The following CFAP54 variants were observed in gnomAD, a reference collection of about 807,000 sequenced individuals.
The protein encoded by CFAP54 is cilia and flagella associated protein 54, also known as cilia- and flagella-associated protein 54.
In CFAP54, 290 loss-of-function variants were observed where a neutral mutation model predicts 370.4. That is an observed-to-expected ratio of 0.78 (90% CI 0.71 to 0.86). CFAP54 has a LOEUF of 0.86. Among genes scored for constraint, CFAP54 ranks in the 40% least tolerant of loss-of-function variants. The probability of loss-of-function intolerance (pLI) is 0.00; values close to 1 mark genes in which losing one functional copy is unlikely to be tolerated. For synonymous variants in CFAP54, 1,206 were observed against 1,236.5 expected, an observed-to-expected ratio of 0.98 and a Z score of 0.52; for missense variants, 3,399 against 3,528.7, an observed-to-expected ratio of 0.96 and a Z score of 0.93.
At chr12:96,702,363 C>T (rs1957501590) in intron 46 of CFAP54, among the ~76,000 whole-genome samples, 1 of 151,996 alleles carries the variant, frequency 6.6e-6, no homozygotes, top group South Asian at 2.1e-4. Context: ...TTTGGGAATG[C>T]TGGAAGAGAG....
At chr12:96,768,496 T>A (rs1466404012) in intron 60 of CFAP54, among the ~76,000 whole-genome samples, 2 of 151,466 alleles carry the variant, frequency 1.3e-5, no homozygotes, top group Non-Finnish European at 2.9e-5. Context: ...CTACTAAAAA[T>A]ACAAAAATTA....
intron 63 of CFAP54, among the ~76,000 whole-genome samples, chr12:96,806,133 A>G (rs1183178573): frequency 7.9e-6 from 1 of 126,616 alleles, no homozygotes; most frequent in African/African-American, 2.9e-5. Flanking sequence ...TGAGTACTCT[A>G]AAAGCCAAGA....
intron 58 of CFAP54, among the ~76,000 whole-genome samples, chr12:96,761,452 T>A (rs763652416): frequency 7.2e-5 from 11 of 152,204 alleles, no homozygotes; most frequent in Non-Finnish European, 1.2e-4. Context: ...GTTAGTAGTG[T>A]CTTTGGAGGC....
chr12:96,545,214 C>T (rs1260682189), intron 14 of CFAP54, among the ~76,000 whole-genome samples: 5 of 151,976 alleles, frequency 3.3e-5, no homozygotes, highest in Admixed American at 6.6e-5. Context: ...CACCCGACCT[C>T]TTCCTCTTCT....
intron 1 of CFAP54, among the ~76,000 whole-genome samples, chr12:96,494,939 A>T (rs146320396): frequency 0.013 from 1,998 of 152,038 alleles, 61 homozygotes; most frequent in African/African-American, 0.047. Flanking sequence ...GTTGGCCAGG[A>T]TGGTCTCGAT....
At chr12:96,583,225 A>C (rs1218617260) in intron 22 of CFAP54, among the ~76,000 whole-genome samples, 3 of 152,032 alleles carry the variant, frequency 2.0e-5, no homozygotes, top group Non-Finnish European at 4.4e-5. Context: ...AAACTTTTTG[A>C]ATTATCTATT....
chr12:96,647,593 T>C (rs1332870888), intron 33 of CFAP54, among the ~76,000 whole-genome samples: 1 of 151,520 alleles, frequency 6.6e-6, no homozygotes, highest in Non-Finnish European at 1.5e-5. Context: ...TAAATTATCG[T>C]TTCAGAGCTC....
intron 17 of CFAP54, among the ~76,000 whole-genome samples, chr12:96,556,849 T>G (rs1379383013): frequency 6.6e-6 from 1 of 152,004 alleles, no homozygotes; most frequent in African/African-American, 2.4e-5. Context: ...GAGAGCTAAA[T>G]GATAAGAACA....
intron 60 of CFAP54, among the ~76,000 whole-genome samples, chr12:96,767,974 A>G (rs1958416762): frequency 6.6e-6 from 1 of 152,098 alleles, no homozygotes; most frequent in African/African-American, 2.4e-5. Flanking sequence ...CTTACCTTCC[A>G]TGAGCTTCTA....
chr12:96,568,357 A>AT, intron 19 of CFAP54, among the ~76,000 whole-genome samples: 1 of 152,186 alleles, frequency 6.6e-6, no homozygotes, highest in South Asian at 2.1e-4. Context: ...AAGAGGCTCT[A>AT]TTTTTTATGA....
intron 13 of CFAP54, among the ~76,000 whole-genome samples, chr12:96,539,830 G>A (rs1955551188): frequency 6.6e-6 from 1 of 152,112 alleles, no homozygotes; most frequent in African/African-American, 2.4e-5. Flanking sequence ...ATTTAAAAGA[G>A]CTACTTTATA....
intron 63 of CFAP54, among the ~76,000 whole-genome samples, chr12:96,797,385 C>T (rs1958775781): frequency 6.6e-6 from 1 of 151,948 alleles, no homozygotes; most frequent in Non-Finnish European, 1.5e-5. Flanking sequence ...TTTTCCATTT[C>T]GTCTGCCTTT....
intron 17 of CFAP54, among the ~76,000 whole-genome samples, chr12:96,556,423 C>T (rs978729511): frequency 6.6e-6 from 1 of 151,428 alleles, no homozygotes; most frequent in African/African-American, 2.4e-5. Context: ...AATGCTTTTG[C>T]TTTTCCCTTC....
At chr12:96,732,129 T>TGC (rs200660552) in intron 50 of CFAP54, among the ~76,000 whole-genome samples, 1 of 151,960 alleles carries the variant, frequency 6.6e-6, no homozygotes, top group South Asian at 2.1e-4. Context: ...TGTGTGTGTG[T>TGC]GTGCGGTGTG....
At chr12:96,661,412 T>C (rs184171176) in intron 38 of CFAP54, among the ~76,000 whole-genome samples, 1 of 152,234 alleles carries the variant, frequency 6.6e-6, no homozygotes, top group East Asian at 1.9e-4. Context: ...CATCAGAGGA[T>C]TTACTACAAG....
chr12:96,826,437 A>G (rs1433836836), intron 65 of CFAP54, among the ~76,000 whole-genome samples: 1 of 125,906 alleles, frequency 7.9e-6, no homozygotes, highest in South Asian at 2.2e-4. Flanking sequence ...TATAATATAT[A>G]TTATATACCA....
intron 48 of CFAP54, among the ~76,000 whole-genome samples, chr12:96,716,731 G>C (rs1957684270): frequency 6.6e-6 from 1 of 152,166 alleles, no homozygotes; most frequent in African/African-American, 2.4e-5. Flanking sequence ...AAAGCCATAG[G>C]GTGGCACATG....
chr12:96,799,795 T>TA (rs1445201282), intron 63 of CFAP54, among the ~76,000 whole-genome samples: 2 of 152,208 alleles, frequency 1.3e-5, no homozygotes, highest in African/African-American at 4.8e-5. Flanking sequence ...AAATTATGAT[T>TA]AAAAATAGTA....
intron 17 of CFAP54, among the ~76,000 whole-genome samples, chr12:96,560,257 A>C (rs961839277): frequency 2.6e-5 from 4 of 152,054 alleles, no homozygotes; most frequent in African/African-American, 9.7e-5. Flanking sequence ...TCATTAACCA[A>C]TCTCTGGTTA....
Sources: gnomAD v4.1 joint callset for allele counts (sites outside exome capture counted in the v4.1 genomes callset) on GRCh38, gnomAD v4.1.1 for gene constraint, MANE v1.5 for transcripts, NCBI Gene and HGNC (gene_info 2026-07-23, HGNC 2026-07-21) for gene names.